Variants in HEATR3 observed in about 807,000 individuals in gnomAD.
The protein encoded by HEATR3 is HEAT repeat-containing protein 3.
Under a neutral mutation model 72.8 loss-of-function variants are expected in HEATR3, and 56 were observed. The ratio of observed to expected loss-of-function variants is 0.77; its 90% confidence interval spans 0.62 to 0.96. The LOEUF (loss-of-function observed/expected upper bound fraction) is 0.96, where lower values mean the gene tolerates loss of function less well. HEATR3 is among the 40% of genes least tolerant of loss of function. The pLI, the probability that HEATR3 is intolerant of heterozygous loss-of-function variation, is 0.00. For synonymous variants in HEATR3, 331 were observed against 318.1 expected (o/e 1.04, Z -0.43); for missense variants, 747 against 831.4 (o/e 0.90, Z 1.25).
intron 10 of HEATR3, among the ~76,000 whole-genome samples, chr16:50,085,472 A>G (rs926403957): frequency 3.3e-5 from 5 of 151,914 alleles, no homozygotes; most frequent in African/African-American, 7.3e-5. Flanking sequence ...CAAAGGAAAA[A>G]AAAATACAAA....
chr16:50,076,490 TTTTTTTATTTTAATAGTGGAAAAATAC>T (rs1483079158), intron 6 of HEATR3, among the ~76,000 whole-genome samples: 1 of 151,892 alleles, frequency 6.6e-6, no homozygotes, highest in East Asian at 1.9e-4. Flanking sequence ...GCCTGGCCTG[TTTTTTTATTTTAATAGTGGAAAAATAC>T]ACATGAAATT....
intron 7 of HEATR3, 70 bp downstream of exon 7, chr16:50,079,088 C>T: frequency 6.8e-7 from 1 of 1,463,722 alleles, no homozygotes; most frequent in Non-Finnish European, 9.2e-7. Flanking sequence ...TTATCCTTGG[C>T]TTTGCAGAAA....
chr16:50,082,656 C>T (rs2036892260), intron 7 of HEATR3, among the ~76,000 whole-genome samples: 3 of 147,552 alleles, frequency 2.0e-5, no homozygotes, highest in Admixed American at 6.8e-5. Context: ...ACATGGTGCT[C>T]ATGCCTGTAA....
chr16:50,087,399 T>C (rs1014929394), intron 11 of HEATR3, among the ~76,000 whole-genome samples: 3 of 152,156 alleles, frequency 2.0e-5, no homozygotes, highest in African/African-American at 7.2e-5. Flanking sequence ...AGGTTTCACT[T>C]GGAGGGAAAA....
At chr16:50,095,188 A>G (rs867709218) in intron 12 of HEATR3, among the ~76,000 whole-genome samples, 33 of 151,230 alleles carry the variant, frequency 2.2e-4, no homozygotes, top group African/African-American at 7.1e-4. Flanking sequence ...ATCTCAGCTC[A>G]CTGCAACCTC....
In HEATR3 at chr16:50,066,253, C is replaced by T; in HGVS notation, c.122C>T (p.Ala41Val). 6.4e-7 allele frequency: 1 copy of T among 1,562,676 alleles called. No homozygotes were observed. ...TGGEEDDGPA[A>V]ELLEKLQHPS... ...GGCGAGGAGGACGACGGGCCGGCGG[C>T]GGAGCTGCTGGAAAAGGTGAGGCGA... Residue 41 changes from alanine (A) to valine (V), a missense_variant, in exon 1 of 15, where the codon GCG (alanine) becomes GTG (valine). By Grantham distance (64) the Ala-to-Val change is moderately conservative. This residue lies in a region of HEATR3 where 161 missense variants were observed against 122.6 expected (regional missense o/e 1.31). Coordinates refer to ENST00000299192, the MANE Select transcript of HEATR3 (RefSeq NM_182922.4).
In HEATR3 at chr16:50,105,255, G is replaced by A. The variant is rs2356845; in HGVS notation, c.*194G>A. ...TCCCAGCACCTTGGGAGACCGAGGCGGGTGGATCACTTGAGGTCAGGAGTT... is the reference window on the plus strand; with the variant it reads ...TCCCAGCACCTTGGGAGACCGAGGCAGGTGGATCACTTGAGGTCAGGAGTT... On this transcript the variant is annotated 3_prime_UTR_variant, in exon 15 of 15. Transcript: ENST00000299192. 9.9e-6 allele frequency: 5 copies of A among 502,756 alleles called. No homozygotes were observed. The highest frequency in any genetic ancestry group is 1.7e-5 in the Non-Finnish European group (5 of 293,642). 31.1% of individuals were successfully genotyped at this position (502,756 alleles called of 1,614,324 possible). A position where few individuals can be genotyped will look rare whatever the true frequency, so the allele number is the denominator to read the frequency against.
At chr16:50,104,808 A>G (rs1384410771) in intron 14 of HEATR3, 131 bp from the exon 15 acceptor site, 1 of 724,920 alleles carries the variant, frequency 1.4e-6, no homozygotes, top group Non-Finnish European at 2.1e-6. Context: ...TGGAAGTAAA[A>G]ACATTTTTTC....
intron 14 of HEATR3, among the ~76,000 whole-genome samples, chr16:50,104,480 T>C (rs1424406924): frequency 6.6e-6 from 1 of 152,096 alleles, no homozygotes; most frequent in Non-Finnish European, 1.5e-5. Flanking sequence ...ACCTCCTGCC[T>C]CGGCCTCCCA....
At chr16:50,085,884 C>G (rs950434819) in intron 10 of HEATR3, among the ~76,000 whole-genome samples, 1 of 151,902 alleles carries the variant, frequency 6.6e-6, no homozygotes, top group Non-Finnish European at 1.5e-5. Context: ...AAAAACTTAG[C>G]CAGGTGTGGT....
In HEATR3 at chr16:50,066,551, A is replaced by C. The variant is rs2036501093; in HGVS notation, c.311+12A>C. ...GCCGGCGCGCTGAGGTGAGCCAGGA[A>C]GGGTGCGGGGCGGTGCCCACCGCTG... On this transcript the variant is annotated intron_variant, in intron 2 of 14. Transcript: ENST00000299192. 17 of 1,302,418 alleles carry C rather than the reference A, an allele frequency of 1.3e-5. No individual in the cohort carries two copies. Among genetic ancestry groups the C allele is most frequent in the Non-Finnish European group, 1.7e-5 (17 of 1,029,880 alleles). The allele number at this position is 1,302,418 out of a possible 1,614,324, so 80.7% of individuals were successfully genotyped here.
intron 13 of HEATR3, among the ~76,000 whole-genome samples, chr16:50,102,008 G>T (rs949837929): frequency 1.3e-5 from 2 of 152,108 alleles, no homozygotes; most frequent in East Asian, 3.8e-4. Context: ...GGAAAATTTA[G>T]TGATTTCCAA....
chr16:50,091,999 A>G (rs568294732), intron 11 of HEATR3, among the ~76,000 whole-genome samples: 16 of 152,138 alleles, frequency 1.1e-4, no homozygotes, highest in Non-Finnish European at 2.1e-4. Flanking sequence ...AGCTTTAATC[A>G]TATATACACT....
At chr16:50,103,638 C>A (rs1347395621) in intron 14 of HEATR3, among the ~76,000 whole-genome samples, 3 of 152,178 alleles carry the variant, frequency 2.0e-5, no homozygotes, top group Non-Finnish European at 4.4e-5. Flanking sequence ...TATTTTTCAA[C>A]AAGCCTTCCA....
rs183319813 is a variant in HEATR3, at chr16:50,093,839, C to T, written c.1511-866C>T. Among the ~76,000 whole-genome samples the T allele has an allele frequency of 1.6e-3, 237 of 152,258 alleles. 1 individual carries two copies. The highest frequency in any genetic ancestry group is 4.3e-3 in the African/African-American group (180 of 41,544). Reference sequence around the variant, plus strand: ...AGAGAAAAAAGAGCATGCACACATGCGTCAGGGCTGGAAGTCATACTGCCT... The same window carrying T: ...AGAGAAAAAAGAGCATGCACACATGTGTCAGGGCTGGAAGTCATACTGCCT... On this transcript the variant is annotated intron_variant, in intron 11 of 14. Transcript: ENST00000299192.
At chr16:50,103,242 C>A (rs73580060) in intron 14 of HEATR3, among the ~76,000 whole-genome samples, 1 of 152,204 alleles carries the variant, frequency 6.6e-6, no homozygotes, top group Admixed American at 6.5e-5. Context: ...GGGAAAATAA[C>A]CCCTGACTTC....
chr16:50,102,399 T>C lies in HEATR3; in HGVS notation c.1884T>C (p.Ser628=). ...ERASIQIKLL[S]ALKEFQPVFK... Reference sequence around the variant, plus strand: ...CCTCGATTCAAATTAAATTATTATCTGCTCTGAAAGAATTCCAGCCGGTCT... The same window carrying C: ...CCTCGATTCAAATTAAATTATTATCCGCTCTGAAAGAATTCCAGCCGGTCT... The change falls in exon 14 of 15, where the codon TCT becomes TCC. Residue 628 remains serine, a synonymous_variant. Transcript: ENST00000299192. 1 of 1,614,076 alleles carries C rather than the reference T, an allele frequency of 6.2e-7. No individual in the cohort carries two copies. Among genetic ancestry groups the C allele is most frequent in the Non-Finnish European group, 8.5e-7 (1 of 1,180,020 alleles).
At chr16:50,092,507 G>A (rs890188500) in intron 11 of HEATR3, among the ~76,000 whole-genome samples, 2 of 146,480 alleles carry the variant, frequency 1.4e-5, no homozygotes, top group African/African-American at 5.1e-5. Flanking sequence ...CGCGATCTCG[G>A]CTCACTGCAA....
chr16:50,087,817 G>T (rs912069696), intron 11 of HEATR3, among the ~76,000 whole-genome samples: 6 of 152,098 alleles, frequency 3.9e-5, no homozygotes, highest in African/African-American at 1.2e-4. Context: ...ACAACATTAA[G>T]TCCAAGAATT....
Sources: allele counts gnomAD v4.1 joint callset (sites outside exome capture counted in the v4.1 genomes callset), GRCh38; gene constraint gnomAD v4.1.1; regional missense constraint gnomAD v4.1.1; transcripts MANE v1.5; gene names NCBI Gene and HGNC (gene_info 2026-07-23, HGNC 2026-07-21).